Variants in CCDC88A observed in about 807,000 individuals in gnomAD.
The protein encoded by CCDC88A is coiled-coil and HOOK domain protein 88A, also known as girdin.
Under a neutral mutation model 234.3 loss-of-function variants are expected in CCDC88A, and 54 were observed. That is an observed-to-expected ratio of 0.23 (90% CI 0.19 to 0.29). CCDC88A has a LOEUF of 0.29. Among genes scored for constraint, CCDC88A ranks in the 10% least tolerant of loss-of-function variants. CCDC88A has a pLI of 1.00. For missense variants in CCDC88A, 1,832 were observed against 2,123.4 expected, an observed-to-expected ratio of 0.86 and a Z score of 2.70; for synonymous variants, 753 against 737.8, an observed-to-expected ratio of 1.02 and a Z score of -0.33.
intron 3 of CCDC88A, 44 bp from the exon 4 acceptor site, chr2:55,374,927 T>C (rs774899054): frequency 1.8e-6 from 2 of 1,110,960 alleles, no homozygotes; most frequent in Non-Finnish European, 2.7e-6. Context: ...TAATGCTAAC[T>C]AGATAATTAT....
intron 3 of CCDC88A, among the ~76,000 whole-genome samples, chr2:55,382,180 A>T (rs931455911): frequency 2.0e-5 from 3 of 152,178 alleles, no homozygotes; most frequent in African/African-American, 7.2e-5. Context: ...TAACACTCCA[A>T]ATGTTGCTTA....
At chr2:55,367,080 G>A (rs1672084445) in intron 5 of CCDC88A, among the ~76,000 whole-genome samples, 2 of 152,098 alleles carry the variant, frequency 1.3e-5, no homozygotes, top group African/African-American at 2.4e-5. Flanking sequence ...CCTTAATAAG[G>A]AAGGAAACTG....
chr2:55,392,899 T>C (rs1168630189), intron 2 of CCDC88A, among the ~76,000 whole-genome samples: 2 of 152,186 alleles, frequency 1.3e-5, no homozygotes, highest in African/African-American at 2.4e-5. Context: ...TAAAACCTTG[T>C]TTTACTATAG....
chr2:55,297,817 C>G (rs746966081), intron 29 of CCDC88A, among the ~76,000 whole-genome samples: 1 of 152,070 alleles, frequency 6.6e-6, no homozygotes. Context: ...CTCATTACTA[C>G]TTGAAGGCTT....
In CCDC88A at chr2:55,355,594, C is replaced by A; in HGVS notation, c.785G>T (p.Arg262Met). ...AGCAACTTACAATTCCTGCCTAAGCCTTCTTATCTTGGCTTTAGCATCTGC... is the reference window on the plus strand; with the variant it reads ...AGCAACTTACAATTCCTGCCTAAGCATTCTTATCTTGGCTTTAGCATCTGC... ...ELADAKAKIR[R>M]LRQELEEKTE... Residue 262 changes from arginine to methionine, a missense_variant, in exon 8 of 33, where the codon AGG (arginine) becomes ATG (methionine). This residue lies in a region of CCDC88A where 1,282 missense variants were observed against 1,543.6 expected (regional missense o/e 0.83). Coordinates refer to ENST00000436346, the MANE Select transcript of CCDC88A (RefSeq NM_001365480.1). 1 of 1,614,044 alleles carries A rather than the reference C, an allele frequency of 6.2e-7. No individual in the cohort carries two copies.
chr2:55,368,458 CCT>C (rs879617904), intron 5 of CCDC88A, among the ~76,000 whole-genome samples: 1 of 150,680 alleles, frequency 6.6e-6, no homozygotes. Context: ...TTCCCCCCTC[CCT>C]CTCTCTCTCT....
At position 55,290,289 on chromosome 2, in the gene CCDC88A, AC is replaced by A. The variant is rs1433600232; in HGVS notation, c.*910del. 13 of 152,412 alleles carry A rather than the reference AC, an allele frequency of 8.5e-5. No individual in the cohort carries two copies. Among genetic ancestry groups the A allele is most frequent in the African/African-American group, 3.1e-4 (13 of 41,572 alleles). The allele number at this position is 152,412 out of a possible 1,614,324, so 9.4% of individuals were successfully genotyped here. On this transcript the variant is annotated 3_prime_UTR_variant, in exon 33 of 33. Transcript: ENST00000436346. ...AAATGCAGATCATAGTAACTTATTT[AC>A]ATTATTTTTGCCATAAGAAAACTTC...
intron 3 of CCDC88A, among the ~76,000 whole-genome samples, chr2:55,387,176 C>CA (rs869311337): frequency 0.026 from 1,826 of 69,658 alleles, 170 homozygotes; most frequent in Middle Eastern, 0.062. Context: ...GATTCCATCT[C>CA]AAAAAAAAAA....
intron 2 of CCDC88A, among the ~76,000 whole-genome samples, chr2:55,416,453 T>A (rs1377249806): frequency 6.4e-5 from 5 of 77,578 alleles, no homozygotes; most frequent in African/African-American, 3.4e-4. Flanking sequence ...AATATATATA[T>A]ATATATATAT....
At chr2:55,322,953 G>A (rs1289703988) in intron 17 of CCDC88A, 2 of 268,480 alleles carry the variant, frequency 7.4e-6, no homozygotes, top group East Asian at 1.4e-4. Flanking sequence ...TGGATTAACA[G>A]TGGATATAGA....
intron 31 of CCDC88A, 140 bp from the exon 32 acceptor site, chr2:55,291,915 A>C: frequency 1.9e-6 from 1 of 524,860 alleles, no homozygotes; most frequent in Non-Finnish European, 3.4e-6. Flanking sequence ...TCTCATAGGC[A>C]TCTCAATACT....
chr2:55,395,267 A>G (rs957952000), intron 2 of CCDC88A, among the ~76,000 whole-genome samples: 1 of 152,210 alleles, frequency 6.6e-6, no homozygotes, highest in Non-Finnish European at 1.5e-5. Context: ...CACAAGCCAC[A>G]GCACACCTGG....
chr2:55,325,813 GCA>G (rs2104656290), intron 17 of CCDC88A, among the ~76,000 whole-genome samples: 1 of 152,268 alleles, frequency 6.6e-6, no homozygotes, highest in Admixed American at 6.5e-5. Flanking sequence ...GTTATTAGGT[GCA>G]TAAACATTTA....
chr2:55,343,194 C>T (rs947931695), intron 12 of CCDC88A, among the ~76,000 whole-genome samples: 1 of 152,078 alleles, frequency 6.6e-6, no homozygotes, highest in Non-Finnish European at 1.5e-5. Flanking sequence ...ATACATATTA[C>T]AAGTAGTCAT....
At position 55,334,912 on chromosome 2, in the gene CCDC88A, G is replaced by A; in HGVS notation, c.1909C>T (p.Leu637Phe). ...AEELENELHH[L>F]EKENELLQKK... ...TGTAATAATTCATTTTCTTTTTCAA[G>A]ATGATGCAATTCATTTTCAAGTTCT... Residue 637 changes from leucine (L) to phenylalanine (F), a missense_variant, in exon 15 of 33, where the codon CTT (leucine) becomes TTT (phenylalanine). By Grantham distance (22) the Leu-to-Phe change is conservative (BLOSUM62 0). Around this residue, in one of 6 missense-constraint regions of CCDC88A, gnomAD observed 1,282 missense variants for 1,543.6 expected, o/e 0.83. Transcript: ENST00000436346. This position sits in a 1 kb window ranked among gnomAD's most constrained non-coding sequence, Gnocchi z 6.1. 6.6e-7 allele frequency: 1 copy of A among 1,515,872 alleles called. No homozygotes were observed. The highest frequency in any genetic ancestry group is 8.9e-7 in the Non-Finnish European group (1 of 1,117,974). The allele number at this position is 1,515,872 out of a possible 1,614,324, so 93.9% of individuals were successfully genotyped here.
In CCDC88A at chr2:55,309,023, C is replaced by T; in HGVS notation, c.4173G>A (p.Arg1391=). Reference sequence around the variant, plus strand: ...TTTTTAGAGTAATCCAGTTGCCTCTCCTAACAGAATTTTAAAAATTGTTAT... The same window carrying T: ...TTTTTAGAGTAATCCAGTTGCCTCTTCTAACAGAATTTTAAAAATTGTTAT... ...YKFYDPSPPR[R]RGNWITLKMR... is the part of the protein sequence containing the mutation. Residue 1391 remains arginine (R), a splice_region_variant and synonymous_variant, in exon 25 of 33, where the codon AGG becomes AGA. Coordinates refer to ENST00000436346, the MANE Select transcript of CCDC88A (RefSeq NM_001365480.1). The surrounding 1 kb of genome is among the most constrained non-coding windows in gnomAD (Gnocchi z 5.1). The T allele has an allele frequency of 6.2e-7, 1 of 1,606,138 alleles. No homozygotes were observed. The highest frequency in any genetic ancestry group is 8.5e-7 in the Non-Finnish European group (1 of 1,173,634).
At chr2:55,302,984 A>G in intron 26 of CCDC88A, 85 bp downstream of exon 26, 1 of 885,550 alleles carries the variant, frequency 1.1e-6, no homozygotes, top group Non-Finnish European at 1.8e-6. Context: ...GGAAATTGGC[A>G]CAGTCCAGAG....
At chr2:55,352,366 G>A (rs1247523564) in intron 8 of CCDC88A, among the ~76,000 whole-genome samples, 1 of 151,760 alleles carries the variant, frequency 6.6e-6, no homozygotes, top group East Asian at 1.9e-4. Context: ...GGCAGAGGTT[G>A]CAGTGAGCCG....
chr2:55,303,102 C>T lies in CCDC88A; in HGVS notation c.4438G>A (p.Asp1480Asn), dbSNP rs1681091433. 1 of 1,551,542 alleles carries T rather than the reference C, an allele frequency of 6.4e-7. No individual in the cohort carries two copies. Among genetic ancestry groups the T allele is most frequent in the Admixed American group, 2.0e-5 (1 of 50,990 alleles). Residue 1480 changes from aspartate (D) to asparagine (N), a missense_variant, in exon 26 of 33, where the codon GAC becomes AAC. Physicochemically the swap from Asp to Asn is conservative, Grantham distance 23. Transcript: ENST00000436346. The stretch of plus-strand genomic sequence containing the variant: ...CGACGGTAGCAGGCCTTCATTTTGT[C>T]TTTATCCTTCGGTCTGTTCCTCAAA... ...PFLRNRPKDK[D>N]KMKACYRRSM...
Sources: gnomAD v4.1 joint callset for allele counts (sites outside exome capture counted in the v4.1 genomes callset) on GRCh38, gnomAD v4.1.1 for gene constraint, gnomAD v4.1.1 regional missense constraint, Gnocchi (gnomAD v3.1) non-coding constraint, MANE v1.5 for transcripts, NCBI Gene and HGNC (gene_info 2026-07-23, HGNC 2026-07-21) for gene names.